TSHZ3: variants seen among roughly 807,000 people sequenced by gnomAD.
TSHZ3 encodes teashirt zinc finger homeobox 3, also known as teashirt homolog 3.
In TSHZ3, 10 loss-of-function variants were observed where a neutral mutation model predicts 64.5. The observed-to-expected ratio is 0.16, with a 90% CI of 0.10 to 0.26. TSHZ3 has a LOEUF of 0.26. TSHZ3 is among the 10% of genes least tolerant of loss of function. TSHZ3 has a pLI of 1.00. For missense variants in TSHZ3, 1,242 were observed against 1,421.7 expected (o/e 0.87, Z 2.03); for synonymous variants, 608 against 593.1 (o/e 1.03, Z -0.36).
intron 1 of TSHZ3, among the ~76,000 whole-genome samples, chr19:31,331,465 C>A (rs894276681): frequency 1.3e-5 from 2 of 152,044 alleles, no homozygotes; most frequent in Non-Finnish European, 2.9e-5. Context: ...CTCATACAAC[C>A]ACCAAAACAA....
At chr19:31,162,367 A>G (rs1357374769) in intron 5 of TSHZ3, among the ~76,000 whole-genome samples, 1 of 152,212 alleles carries the variant, frequency 6.6e-6, no homozygotes, top group African/African-American at 2.4e-5. Flanking sequence ...AAATGTTGCT[A>G]TTATCGGGCT....
Position 31,277,979 on chromosome 19 carries a change from G to C in TSHZ3, c.1814C>G (p.Thr605Arg). 1 of 1,614,218 alleles carries C rather than the reference G, an allele frequency of 6.2e-7. No individual in the cohort carries two copies. The highest frequency in any genetic ancestry group is 8.5e-7 in the Non-Finnish European group (1 of 1,180,024). The change falls in exon 2 of 2, where the codon ACA becomes AGA. Residue 605 changes from threonine (T) to arginine (R), a missense_variant. This residue lies in a region of TSHZ3 where 550 missense variants were observed against 545.1 expected (regional missense o/e 1.01). Coordinates refer to ENST00000240587, the MANE Select transcript of TSHZ3 (RefSeq NM_020856.4). This position sits in a 1 kb window ranked among gnomAD's most constrained non-coding sequence, Gnocchi z 4.5. ...PSSQTSPMPK[T>R]NFHAMEELVK... ...CAGCTCCTCCATGGCATGAAAGTTT[G>C]TCTTGGGCATGGGGGACGTCTGGCT...
chr19:31,280,694 C>G (rs1033101758), intron 1 of TSHZ3, among the ~76,000 whole-genome samples: 1 of 152,206 alleles, frequency 6.6e-6, no homozygotes, highest in African/African-American at 2.4e-5. Context: ...GGGCATCCAA[C>G]AGAGATCCTG....
intron 1 of TSHZ3, among the ~76,000 whole-genome samples, chr19:31,317,155 G>C (rs898804094): frequency 3.3e-5 from 5 of 152,058 alleles, no homozygotes; most frequent in African/African-American, 1.2e-4. Context: ...AATCCAACGG[G>C]TTTTTCTTTT....
chr19:31,260,644 T>G (rs895983277), intron 1 of TSHZ3, among the ~76,000 whole-genome samples: 4 of 152,220 alleles, frequency 2.6e-5, no homozygotes, highest in African/African-American at 9.6e-5. Context: ...TTGTTGAGCA[T>G]CTACTATGTG....
At chr19:31,302,131 C>T (rs1273417690) in intron 1 of TSHZ3, among the ~76,000 whole-genome samples, 1 of 152,198 alleles carries the variant, frequency 6.6e-6, no homozygotes, top group African/African-American at 2.4e-5. Context: ...AAAGAGAGAG[C>T]CATGGTGCTG....
chr19:31,252,106 C>T (rs142995590), intron 1 of TSHZ3, among the ~76,000 whole-genome samples: 1 of 152,318 alleles, frequency 6.6e-6, no homozygotes, highest in Non-Finnish European at 1.5e-5. Flanking sequence ...TTTCCTGAGG[C>T]CATGACATTA....
intron 1 of TSHZ3, among the ~76,000 whole-genome samples, chr19:31,259,420 A>T (rs946369170): frequency 3.3e-5 from 5 of 152,152 alleles, no homozygotes; most frequent in Non-Finnish European, 5.9e-5. Context: ...ATGTTACCCC[A>T]TAACAGTCTT....
intron 1 of TSHZ3, among the ~76,000 whole-genome samples, chr19:31,256,499 G>C (rs1181670788): frequency 6.6e-6 from 1 of 152,202 alleles, no homozygotes. Flanking sequence ...GTGACTGTCT[G>C]TGCCTGGGGG....
At chr19:31,192,738 T>G (rs1974929317) in intron 5 of TSHZ3, among the ~76,000 whole-genome samples, 1 of 152,230 alleles carries the variant, frequency 6.6e-6, no homozygotes, top group African/African-American at 2.4e-5. Context: ...GCTCATTAGA[T>G]GCCAAGCAAC....
intron 3 of TSHZ3, among the ~76,000 whole-genome samples, chr19:31,232,704 A>G (rs1975556954): frequency 6.6e-6 from 1 of 152,190 alleles, no homozygotes; most frequent in Non-Finnish European, 1.5e-5. Context: ...TCTTAAAGTC[A>G]GTGACCTCCA....
intron 1 of TSHZ3, among the ~76,000 whole-genome samples, chr19:31,305,189 C>T (rs1470277505): frequency 6.6e-6 from 1 of 152,092 alleles, no homozygotes; most frequent in African/African-American, 2.4e-5. Flanking sequence ...CCTGCCACCC[C>T]CTCCACACAC....
At chr19:31,350,066 G>A (rs1171036971), upstream of TSHZ3, among the ~76,000 whole-genome samples, 1 of 93,400 alleles carries the variant, frequency 1.1e-5, no homozygotes, top group Admixed American at 1.2e-4. Context: ...CCCACCCAGC[G>A]TTCGTCCCCA....
rs747557489 is a variant in TSHZ3, at chr19:31,278,169, G to A, written c.1624C>T (p.Pro542Ser). The A allele has an allele frequency of 6.2e-7, 1 of 1,614,208 alleles. No homozygotes were observed. ...ATGCTGGGATAGCCCCCCCAGCTAGGAGTGCCGTTCTGGGCCTTGTTGATT... is the reference window on the plus strand; with the variant it reads ...ATGCTGGGATAGCCCCCCCAGCTAGAAGTGCCGTTCTGGGCCTTGTTGATT... The part of the protein sequence containing the change: ...SAINKAQNGT[P>S]SWGGYPSIHA... The change falls in exon 2 of 2, where the codon CCT becomes TCT. Residue 542 changes from proline (P) to serine (S), a missense_variant. By Grantham distance (74) the Pro-to-Ser change is moderately conservative. Transcript: ENST00000240587. The surrounding 1 kb of genome is among the most constrained non-coding windows in gnomAD (Gnocchi z 4.7).
intron 1 of TSHZ3, 186 bp downstream of exon 1, chr19:31,348,994 G>A: frequency 2.9e-6 from 2 of 687,210 alleles, no homozygotes; most frequent in Non-Finnish European, 4.5e-6. Flanking sequence ...GGCAGAGCGC[G>A]GCGGGGCGTC....
chr19:31,327,017 T>G (rs1038091365), intron 1 of TSHZ3, among the ~76,000 whole-genome samples: 1 of 152,002 alleles, frequency 6.6e-6, no homozygotes, highest in African/African-American at 2.4e-5. Context: ...GTCCAGAATG[T>G]AGACTCTCCT....
Position 31,276,873 on chromosome 19 carries a change from G to C in TSHZ3, c.2920C>G (p.Pro974Ala), listed in dbSNP as rs1976245551. Reference protein sequence around the residue: ...KFLKNLDTGHPVFFCNDCASQ... With the variant: ...KFLKNLDTGHAVFFCNDCASQ... ...GCACAATCGTTACAAAAGAAGACGG[G>C]GTGGCCAGTGTCCAAGTTTTTGAGG... The change falls in exon 2 of 2, where the codon CCC becomes GCC. Residue 974 changes from proline (P) to alanine (A), a missense_variant. Transcript: ENST00000240587. The C allele has an allele frequency of 6.2e-7, 1 of 1,614,094 alleles. No homozygotes were observed. Among genetic ancestry groups the C allele is most frequent in the African/African-American group, 1.3e-5 (1 of 74,920 alleles).
Position 31,276,653 on chromosome 19 carries a change from T to G in TSHZ3, c.3140A>C (p.Asn1047Thr). The part of the protein sequence containing the change: ...LGTSYQCKLC[N>T]RTFASKHAVK... ...AGCGTGCTTGCTGGCAAAGGTCCGA[T>G]TGCAAAGTTTGCACTGATAGGAAGT... The change falls in exon 2 of 2, where the codon AAT becomes ACT. Residue 1047 changes from asparagine to threonine, a missense_variant. Around this residue, in one of 4 missense-constraint regions of TSHZ3, gnomAD observed 126 missense variants for 140.6 expected, o/e 0.90. Coordinates refer to ENST00000240587, the MANE Select transcript of TSHZ3 (RefSeq NM_020856.4). The G allele has an allele frequency of 6.2e-7, 1 of 1,613,066 alleles. No homozygotes were observed. The highest frequency in any genetic ancestry group is 8.5e-7 in the Non-Finnish European group (1 of 1,179,120).
intron 4 of TSHZ3, among the ~76,000 whole-genome samples, chr19:31,224,194 A>G (rs541425154): frequency 1.3e-5 from 2 of 152,324 alleles, no homozygotes; most frequent in African/African-American, 2.4e-5. Flanking sequence ...AAGGTTTACC[A>G]TTTGTCTAAA....
Sources: gnomAD v4.1 joint callset for allele counts (sites outside exome capture counted in the v4.1 genomes callset) on GRCh38, gnomAD v4.1.1 for gene constraint, gnomAD v4.1.1 regional missense constraint, Gnocchi (gnomAD v3.1) non-coding constraint, MANE v1.5 for transcripts, NCBI Gene and HGNC (gene_info 2026-07-23, HGNC 2026-07-21) for gene names.